The following ASS1 variants were observed in gnomAD, a reference collection of about 807,000 sequenced individuals.
The protein encoded by ASS1 is argininosuccinate synthase 1.
In ASS1, 58 loss-of-function variants were observed where a neutral mutation model predicts 60.5. The observed-to-expected ratio is 0.96, with a 90% CI of 0.78 to 1.19. ASS1 has a LOEUF of 1.19. ASS1 is among the 50% of genes most tolerant of loss of function. The pLI, the probability that ASS1 is intolerant of heterozygous loss-of-function variation, is 0.00. For synonymous variants in ASS1, 200 were observed against 206.9 expected, an observed-to-expected ratio of 0.97 and a Z score of 0.29; for missense variants, 454 against 547.3, an observed-to-expected ratio of 0.83 and a Z score of 1.70.
At chr9:130,455,547 C>G (rs568780356) in intron 3 of ASS1, among the ~76,000 whole-genome samples, 30 of 152,366 alleles carry the variant, frequency 2.0e-4, no homozygotes, top group Non-Finnish European at 2.5e-4. Flanking sequence ...ACCCATTCTT[C>G]CATTCATTCA....
At chr9:130,455,179 T>C (rs922256138) in intron 3 of ASS1, among the ~76,000 whole-genome samples, 4 of 150,554 alleles carry the variant, frequency 2.7e-5, no homozygotes, top group Non-Finnish European at 5.9e-5. Flanking sequence ...CCATGCATCA[T>C]CCATTCATCC....
chr9:130,475,537 G>A (rs1218525379), intron 8 of ASS1, among the ~76,000 whole-genome samples: 3 of 152,126 alleles, frequency 2.0e-5, no homozygotes, highest in African/African-American at 2.4e-5. Flanking sequence ...CGAGGACCTC[G>A]CGGGGCTCCT....
At chr9:130,448,918 G>A (rs963128730) in intron 1 of ASS1, among the ~76,000 whole-genome samples, 1 of 152,186 alleles carries the variant, frequency 6.6e-6, no homozygotes. Context: ...CTCTTTTTGC[G>A]GTGAGGAGCT....
At chr9:130,473,714 T>C (rs1481258735) in intron 8 of ASS1, among the ~76,000 whole-genome samples, 1 of 152,118 alleles carries the variant, frequency 6.6e-6, no homozygotes, top group African/African-American at 2.4e-5. Flanking sequence ...CCAGGAGACC[T>C]GCGGAAGGGA....
intron 4 of ASS1, among the ~76,000 whole-genome samples, chr9:130,462,128 G>A (rs1314688347): frequency 1.3e-5 from 2 of 152,158 alleles, no homozygotes; most frequent in Admixed American, 1.3e-4. Flanking sequence ...CGAAGCTGGG[G>A]TGGCCCTTGC....
rs115214787 is a variant in ASS1, at chr9:130,486,956, G to A, written c.839-2377G>A. Among the ~76,000 whole-genome samples the A allele has an allele frequency of 3.9e-3, 590 of 152,316 alleles. 6 individuals carry two copies. Among genetic ancestry groups the A allele is most frequent in the African/African-American group, 0.013 (546 of 41,566 alleles). On this transcript the variant is annotated intron_variant, in intron 11 of 14. Transcript: ENST00000352480. ...TTGATCACTTTGCCAAAGGCCCTTC[G>A]AGGCCACCTGGAGCTGAGATGGGAG...
chr9:130,473,697 A>G (rs1845930685), intron 8 of ASS1, among the ~76,000 whole-genome samples: 1 of 152,166 alleles, frequency 6.6e-6, no homozygotes, highest in Non-Finnish European at 1.5e-5. Flanking sequence ...CCCCTCTCCA[A>G]AAGAAGCCAG....
At chr9:130,479,860 C>A in intron 10 of ASS1, 60 bp downstream of exon 10, 1 of 1,531,396 alleles carries the variant, frequency 6.5e-7, no homozygotes, top group Non-Finnish European at 9.1e-7. Context: ...GAGCACGAGC[C>A]TGGACCGTTG....
chr9:130,468,611 T>A lies in ASS1; in HGVS notation c.495+1812T>A, dbSNP rs117455172. Reference sequence around the variant, plus strand: ...TTTTCATATATTTATTTATTTATTTTTTTACAGACAGGGTCTCACCATGTT... The same window carrying A: ...TTTTCATATATTTATTTATTTATTTATTTACAGACAGGGTCTCACCATGTT... On this transcript the variant is annotated intron_variant, in intron 6 of 14. Transcript: ENST00000352480. Among the ~76,000 whole-genome samples the A allele has an allele frequency of 8.3e-4, 126 of 152,228 alleles. 2 individuals carry two copies. The highest frequency in any genetic ancestry group is 5.2e-3 in the East Asian group (27 of 5,182).
Position 130,491,302 on chromosome 9 carries a change from C to T in ASS1, c.970+1838C>T, listed in dbSNP as rs547616396. Among the ~76,000 whole-genome samples, 11 of 151,950 alleles carry T rather than the reference C, an allele frequency of 7.2e-5. No individual in the cohort carries two copies. Among genetic ancestry groups the T allele is most frequent in the Non-Finnish European group, 1.5e-4 (10 of 67,978 alleles). The stretch of plus-strand genomic sequence containing the variant: ...AAGTGAGAGAGTCATTAAGACGTGG[C>T]GGAGGAGAGAGCACCTGGCCGGGCT... On this transcript the variant is annotated intron_variant, in intron 12 of 14. Coordinates refer to ENST00000352480, the MANE Select transcript of ASS1 (RefSeq NM_054012.4). The surrounding 1 kb of genome is among the most constrained non-coding windows in gnomAD (Gnocchi z 5.3).
At chr9:130,444,742 G>GCCCAGGCCCGGA (rs1196343799), upstream of ASS1, among the ~76,000 whole-genome samples, 1 of 151,868 alleles carries the variant, frequency 6.6e-6, no homozygotes, top group Non-Finnish European at 1.5e-5. The surrounding 1 kb of genome is among the most constrained non-coding windows in gnomAD (Gnocchi z 4.7). Flanking sequence ...CCGGCGCCGG[G>GCCCAGGCCCGGA]CCCAGGCCCG....
intron 3 of ASS1, among the ~76,000 whole-genome samples, chr9:130,454,733 C>T (rs1413326798): frequency 6.6e-6 from 1 of 152,052 alleles, no homozygotes; most frequent in African/African-American, 2.4e-5. Context: ...TCGATCCATC[C>T]ATCCATCCAT....
intron 2 of ASS1, 93 bp downstream of exon 2, chr9:130,452,426 C>T: frequency 2.7e-6 from 3 of 1,106,184 alleles, no homozygotes; most frequent in Non-Finnish European, 4.1e-6. Flanking sequence ...GTCAGCCTGT[C>T]TGCTCACCGT....
At chr9:130,458,663 G>C (rs1041934099) in intron 4 of ASS1, 74 bp downstream of exon 4, 7 of 1,550,526 alleles carry the variant, frequency 4.5e-6, no homozygotes, top group Non-Finnish European at 3.5e-6. Flanking sequence ...AGCACCCCTC[G>C]AGCGGTTTCC....
rs567807132 is a variant in ASS1, at chr9:130,480,387, G to T, written c.776G>T (p.Gly259Val). The change falls in exon 11 of 15, where the codon GGC becomes GTC. Residue 259 changes from glycine to valine, a missense_variant and splice_region_variant. Gly to Val is a moderately radical substitution (Grantham distance 109). Coordinates refer to ENST00000352480, the MANE Select transcript of ASS1 (RefSeq NM_054012.4). ...ELFMYLNEVA[G>V]KHGVGRIDIV... ...TAATGGACCAGTTCTTCCCACAGGG[G>T]CAAGCATGGCGTGGGCCGTATTGAC... 1.3e-5 allele frequency: 21 copies of T among 1,614,224 alleles called. No individual in the cohort carries two copies. In the African/African-American group the frequency reaches 2.4e-4, roughly 18 times the overall value.
At chr9:130,493,068 T>G (rs1846487752) in intron 12 of ASS1, among the ~76,000 whole-genome samples, 1 of 151,988 alleles carries the variant, frequency 6.6e-6, no homozygotes, top group Non-Finnish European at 1.5e-5. Flanking sequence ...CCCAGCTCCG[T>G]CAGAAAGATG....
intron 13 of ASS1, among the ~76,000 whole-genome samples, chr9:130,499,190 G>A (rs1347594742): frequency 6.6e-6 from 1 of 152,180 alleles, no homozygotes; most frequent in Non-Finnish European, 1.5e-5. Context: ...CAGACAGAGT[G>A]CTCTGGTTGG....
At chr9:130,487,398 T>TC (rs1205924938) in intron 11 of ASS1, among the ~76,000 whole-genome samples, 2 of 83,890 alleles carry the variant, frequency 2.4e-5, no homozygotes, top group Non-Finnish European at 5.5e-5. Flanking sequence ...ATATCCTTCA[T>TC]GGTTTTTTTT....
At position 130,476,638 on chromosome 9, in the gene ASS1, T is replaced by G; in HGVS notation, c.598-233T>G. 6.7e-6 allele frequency: 4 copies of G among 595,250 alleles called. No individual in the cohort carries two copies. Among genetic ancestry groups the G allele is most frequent in the Non-Finnish European group, 6.0e-6 (2 of 333,314 alleles). The allele number at this position is 595,250 out of a possible 1,614,324, so 36.9% of individuals were successfully genotyped here. ...GCTGTGGGGGCGTCGAAGAAAAAGA[T>G]GAGATCAAGTTGAGGGGAAAAATTG... On this transcript the variant is annotated intron_variant, in intron 8 of 14. Coordinates refer to ENST00000352480, the MANE Select transcript of ASS1 (RefSeq NM_054012.4). This position sits in a 1 kb window ranked among gnomAD's most constrained non-coding sequence, Gnocchi z 4.9.
Sources: allele counts gnomAD v4.1 joint callset (sites outside exome capture counted in the v4.1 genomes callset), GRCh38; gene constraint gnomAD v4.1.1; non-coding constraint Gnocchi (gnomAD v3.1); transcripts MANE v1.5; gene names NCBI Gene and HGNC (gene_info 2026-07-23, HGNC 2026-07-21).